Variants in HDAC9 observed in about 807,000 individuals in gnomAD.
HDAC9 encodes the protein histone deacetylase 9, also known as MEF-2 interacting transcription repressor (MITR) protein.
HDAC9 carries 41 observed loss-of-function variants against 139.4 expected under a neutral mutation model. The observed-to-expected ratio is 0.29, with a 90% CI of 0.23 to 0.38. The LOEUF (loss-of-function observed/expected upper bound fraction) is 0.38. Ranked by LOEUF, HDAC9 falls within the 10% of genes least tolerant of loss-of-function variation. The pLI is 1.00. For missense variants in HDAC9, 1,147 were observed against 1,297.0 expected, an observed-to-expected ratio of 0.88 and a Z score of 1.78; for synonymous variants, 517 against 476.2, an observed-to-expected ratio of 1.09 and a Z score of -1.12.
intron 13 of HDAC9, among the ~76,000 whole-genome samples, chr7:18,745,980 G>A (rs1018622755): frequency 2.8e-5 from 4 of 145,254 alleles, no homozygotes; most frequent in South Asian, 2.2e-4. Flanking sequence ...CTGCATTGGC[G>A]TCCTGGGCTC....
At position 18,727,716 on chromosome 7, in the gene HDAC9, A is replaced by G; in HGVS notation, c.1868A>G (p.His623Arg). Residue 623 changes from histidine to arginine, a missense_variant, in exon 13 of 26, where the codon CAC becomes CGC. By Grantham distance (29) the His-to-Arg change is conservative. This residue lies in a region of HDAC9 where 256 missense variants were observed against 219.2 expected (regional missense o/e 1.17). Transcript: ENST00000686413. Reference protein sequence around the residue: ...HSSPAASVLPHPAMDRPLQPG... With the variant: ...HSSPAASVLPRPAMDRPLQPG... ...TCCCCTGCTGCCTCTGTTTTACCTC[A>G]CCCAGCAATGGACCGCCCCCTCCAG... 2 of 1,572,602 alleles carry G rather than the reference A, an allele frequency of 1.3e-6. No individual in the cohort carries two copies. Among genetic ancestry groups the G allele is most frequent in the Admixed American group, 2.0e-5 (1 of 49,766 alleles).
intron 1 of HDAC9, among the ~76,000 whole-genome samples, chr7:18,411,816 G>GTT (rs1280818174): frequency 2.2e-5 from 2 of 89,430 alleles, no homozygotes; most frequent in African/African-American, 4.0e-5. Context: ...ATTTCAACTT[G>GTT]CTTTTTTTTT....
At chr7:18,205,531 G>A (rs1791440171) in intron 2 of HDAC9, among the ~76,000 whole-genome samples, 2 of 151,954 alleles carry the variant, frequency 1.3e-5, no homozygotes, top group South Asian at 4.1e-4. Context: ...GATGAACAAA[G>A]CACTGATAGC....
At chr7:18,980,643 C>A (rs1407670658) in intron 25 of HDAC9, among the ~76,000 whole-genome samples, 1 of 151,558 alleles carries the variant, frequency 6.6e-6, no homozygotes, top group Non-Finnish European at 1.5e-5. Context: ...TCTTCTTCCT[C>A]GATTTGTTAC....
At chr7:18,490,131 C>T (rs1796257964) in intron 1 of HDAC9, among the ~76,000 whole-genome samples, 1 of 151,992 alleles carries the variant, frequency 6.6e-6, no homozygotes, top group South Asian at 2.1e-4. Flanking sequence ...ATACTTTATT[C>T]TTTTATATTT....
chr7:18,441,106 C>T (rs186684485), intron 1 of HDAC9, among the ~76,000 whole-genome samples: 1 of 152,284 alleles, frequency 6.6e-6, no homozygotes, highest in East Asian at 1.9e-4. Context: ...ATCAAATTCT[C>T]ATAAAAGCTG....
rs181903812 is a variant in HDAC9 at position 18,901,158 on chromosome 7, C to G, written c.2803+26562C>G. On this transcript the variant is annotated intron_variant, in intron 22 of 25. Transcript: ENST00000686413. ...ATACTTTATTCCCAAGGCTCCAATA[C>G]TGCAACAGATCAGACTCTCTTTCTC... is the stretch of plus-strand genomic sequence containing the variant. 2.0e-5 allele frequency among the ~76,000 whole-genome samples: 3 copies of G among 150,524 alleles called. No individual in the cohort carries two copies. In the Admixed American group the frequency reaches 2.0e-4, roughly 10 times the overall value.
chr7:18,758,110 T>G (rs1173347570), intron 14 of HDAC9, among the ~76,000 whole-genome samples: 2 of 152,136 alleles, frequency 1.3e-5, no homozygotes, highest in Non-Finnish European at 2.9e-5. Context: ...ACAAATTTCT[T>G]TATTAAGAAG....
At position 18,567,284 on chromosome 7, in the gene HDAC9, C is replaced by G. The variant is rs76051939; in HGVS notation, c.23-17997C>G. Among the ~76,000 whole-genome samples, 704 of 152,256 alleles carry G rather than the reference C, an allele frequency of 4.6e-3. 2 individuals are homozygous for G. Among genetic ancestry groups the G allele is most frequent in the African/African-American group, 0.016 (647 of 41,534 alleles). ...GGGTTCTATGGCTATACTTCTCCCC[C>G]CTAACTGGGCAAGGCGAGGAAACCT... On this transcript the variant is annotated intron_variant, in intron 2 of 25. Coordinates refer to ENST00000686413, the MANE Select transcript of HDAC9 (RefSeq NM_178425.4).
intron 22 of HDAC9, among the ~76,000 whole-genome samples, chr7:18,923,285 A>G (rs1018583653): frequency 2.0e-5 from 3 of 152,082 alleles, no homozygotes; most frequent in African/African-American, 7.2e-5. Context: ...TTAGAGCAAT[A>G]GACTCAACAG....
At chr7:18,362,875 T>C (rs1783891138) in intron 1 of HDAC9, among the ~76,000 whole-genome samples, 1 of 152,144 alleles carries the variant, frequency 6.6e-6, no homozygotes, top group South Asian at 2.1e-4. Context: ...CACTGTTATA[T>C]CTAGTTTGTA....
intron 12 of HDAC9, among the ~76,000 whole-genome samples, chr7:18,721,823 C>A (rs1785168211): frequency 6.6e-6 from 1 of 152,122 alleles, no homozygotes; most frequent in Admixed American, 6.6e-5. Flanking sequence ...GACCTTAGCA[C>A]TTCGTAGTCT....
chr7:18,706,433 G>A (rs1481421323), intron 12 of HDAC9, among the ~76,000 whole-genome samples: 1 of 152,074 alleles, frequency 6.6e-6, no homozygotes, highest in Non-Finnish European at 1.5e-5. Flanking sequence ...AAAACAACAA[G>A]CTGTTCCCAC....
chr7:18,778,876 A>C (rs575626058), intron 16 of HDAC9, among the ~76,000 whole-genome samples: 11 of 152,214 alleles, frequency 7.2e-5, no homozygotes, highest in African/African-American at 2.6e-4. Context: ...TGCACATGCA[A>C]GGTCAATGGA....
upstream of HDAC9, among the ~76,000 whole-genome samples, chr7:18,285,516 A>T (rs556618051): frequency 3.9e-5 from 6 of 152,168 alleles, no homozygotes; most frequent in South Asian, 2.1e-4. Flanking sequence ...AGGAGTGTGA[A>T]CGTTTTAAAA....
intron 17 of HDAC9, among the ~76,000 whole-genome samples, chr7:18,798,726 C>T (rs1793022319): frequency 6.6e-6 from 1 of 152,020 alleles, no homozygotes; most frequent in Non-Finnish European, 1.5e-5. Context: ...AAATTAGTGG[C>T]GATCACTCAA....
At chr7:18,468,527 C>T (rs1397999080) in intron 1 of HDAC9, among the ~76,000 whole-genome samples, 1 of 151,866 alleles carries the variant, frequency 6.6e-6, no homozygotes, top group African/African-American at 2.4e-5. Context: ...GTAATACAGC[C>T]TTGAACTCCT....
At chr7:18,261,648 A>G (rs147853178) in intron 2 of HDAC9, among the ~76,000 whole-genome samples, 4 of 152,366 alleles carry the variant, frequency 2.6e-5, no homozygotes, top group African/African-American at 7.2e-5. Flanking sequence ...AGGCTTATGC[A>G]GAAAACAAGC....
chr7:18,436,957 AG>A (rs1791258628), intron 1 of HDAC9, among the ~76,000 whole-genome samples: 1 of 152,236 alleles, frequency 6.6e-6, no homozygotes, highest in East Asian at 1.9e-4. Flanking sequence ...GATTCTCTTT[AG>A]GATGAAGGTC....
Sources: gnomAD v4.1 joint callset for allele counts (sites outside exome capture counted in the v4.1 genomes callset) on GRCh38, gnomAD v4.1.1 for gene constraint, gnomAD v4.1.1 regional missense constraint, MANE v1.5 for transcripts, NCBI Gene and HGNC (gene_info 2026-07-23, HGNC 2026-07-21) for gene names.